Variants in IPCEF1 observed in about 807,000 individuals in gnomAD.
IPCEF1 encodes the protein interactor protein for cytohesin exchange factors 1.
IPCEF1 carries 31 observed loss-of-function variants against 50.9 expected under a neutral mutation model. That is an observed-to-expected ratio of 0.61 (90% CI 0.46 to 0.82). The LOEUF is 0.82. Among genes scored for constraint, IPCEF1 ranks in the 40% least tolerant of loss-of-function variants. The pLI, the probability that IPCEF1 is intolerant of heterozygous loss-of-function variation, is 0.00. For synonymous variants in IPCEF1, 181 were observed against 192.0 expected (o/e 0.94, Z 0.47); for missense variants, 458 against 514.0 (o/e 0.89, Z 1.05).
At chr6:154,347,722 C>T (rs888190864) in intron 1 of IPCEF1, among the ~76,000 whole-genome samples, 1 of 152,220 alleles carries the variant, frequency 6.6e-6, no homozygotes, top group African/African-American at 2.4e-5. Flanking sequence ...GCTCCTACTG[C>T]CCAGAAAGTT....
chr6:154,292,937 A>G (rs1342355714), intron 1 of IPCEF1, among the ~76,000 whole-genome samples: 2 of 152,200 alleles, frequency 1.3e-5, no homozygotes, highest in Non-Finnish European at 1.5e-5. Flanking sequence ...TCTCCCCAGA[A>G]CAAGATCTTA....
chr6:154,239,760 G>C (rs1203033761), intron 5 of IPCEF1, among the ~76,000 whole-genome samples: 1 of 152,226 alleles, frequency 6.6e-6, no homozygotes, highest in Non-Finnish European at 1.5e-5. Context: ...CTGGAGTGCA[G>C]TGATGTGATC....
intron 3 of IPCEF1, among the ~76,000 whole-genome samples, chr6:154,247,836 A>G (rs1161096519): frequency 6.6e-6 from 1 of 152,220 alleles, no homozygotes; most frequent in Non-Finnish European, 1.5e-5. Flanking sequence ...TGTTTTTGTG[A>G]GAGAAGGAAA....
At chr6:154,231,271 T>G (rs1350685966) in intron 5 of IPCEF1, among the ~76,000 whole-genome samples, 1 of 152,200 alleles carries the variant, frequency 6.6e-6, no homozygotes. Flanking sequence ...AAAGTTCTAG[T>G]TCTATGGAGA....
intron 10 of IPCEF1, among the ~76,000 whole-genome samples, chr6:154,188,573 T>A (rs573538114): frequency 6.6e-6 from 1 of 152,222 alleles, no homozygotes; most frequent in South Asian, 2.1e-4. Context: ...TGGCCAAGAG[T>A]ATCCTAAACA....
chr6:154,302,157 A>T (rs1782812360), intron 1 of IPCEF1, among the ~76,000 whole-genome samples: 1 of 152,242 alleles, frequency 6.6e-6, no homozygotes, highest in African/African-American at 2.4e-5. Context: ...AGAAATGTTT[A>T]TTCCAGTCTT....
chr6:154,333,684 A>G (rs1163366541), intron 1 of IPCEF1, among the ~76,000 whole-genome samples: 1 of 151,638 alleles, frequency 6.6e-6, no homozygotes, highest in Middle Eastern at 3.5e-3. Context: ...ATATGTATAT[A>G]TGTGTATATA....
At chr6:154,339,575 TTTTG>T (rs71268488) in intron 1 of IPCEF1, among the ~76,000 whole-genome samples, 5,749 of 149,596 alleles carry the variant, frequency 0.038, 144 homozygotes, top group African/African-American at 0.067. Flanking sequence ...GCCTGGCGTT[TTTTG>T]TTTGTTTGTT....
intron 6 of IPCEF1, 105 bp from the exon 7 acceptor site, chr6:154,221,433 T>C: frequency 1.2e-6 from 1 of 840,924 alleles, no homozygotes; most frequent in Admixed American, 2.6e-5. Flanking sequence ...TTGTCTGCTT[T>C]CTTTGTAAAT....
At chr6:154,293,659 C>A (rs1782567851) in intron 1 of IPCEF1, among the ~76,000 whole-genome samples, 1 of 152,206 alleles carries the variant, frequency 6.6e-6, no homozygotes, top group Non-Finnish European at 1.5e-5. Context: ...AATGAACTAT[C>A]TTTTCCACTT....
chr6:154,349,023 A>C lies in IPCEF1; in HGVS notation c.-62+7649T>G, dbSNP rs954133770. On this transcript the variant is annotated intron_variant, in intron 1 of 11. Coordinates refer to ENST00000367220, the MANE Select transcript of IPCEF1 (RefSeq NM_001130700.2). ...AATAATTAAAGGTTTTCTCCTTCAA[A>C]CATAACTTTGTATAAAGTACAGCTT... is the stretch of plus-strand genomic sequence containing the variant. Among the ~76,000 whole-genome samples the C allele has an allele frequency of 2.0e-5, 3 of 152,184 alleles. No individual in the cohort carries two copies. The East Asian group carries it at 5.8e-4, about 29-fold the overall frequency.
chr6:154,246,935 C>CAAAAA lies in IPCEF1; in HGVS notation c.77-180_77-176dup, dbSNP rs10543127. 60 of 252,256 alleles carry CAAAAA rather than the reference C, an allele frequency of 2.4e-4. 2 individuals carry two copies. In the East Asian group the frequency reaches 4.8e-3, roughly 20 times the overall value. The allele number at this position is 252,256 out of a possible 1,614,324, so 15.6% of individuals were successfully genotyped here. A position where few individuals can be genotyped will look rare whatever the true frequency, so the allele number is the denominator to read the frequency against. On this transcript the variant is annotated intron_variant, in intron 4 of 11. Coordinates refer to ENST00000367220, the MANE Select transcript of IPCEF1 (RefSeq NM_001130700.2). ...ATGCAAAACCTATGCAAAACCAATG[C>CAAAAA]AAAAAAAAAAAAAAAAAGCCATGTG...
chr6:154,322,526 G>T (rs1337919675), intron 1 of IPCEF1, among the ~76,000 whole-genome samples: 2 of 152,004 alleles, frequency 1.3e-5, no homozygotes, highest in East Asian at 3.9e-4. Context: ...TGGAAAAGAA[G>T]AGGTAAAACT....
At chr6:154,295,923 A>G (rs1408828542) in intron 1 of IPCEF1, among the ~76,000 whole-genome samples, 1 of 146,024 alleles carries the variant, frequency 6.8e-6, no homozygotes, top group Non-Finnish European at 1.6e-5. Flanking sequence ...ACACACACAC[A>G]CACACACACA....
At chr6:154,337,582 G>A (rs1783814108) in intron 1 of IPCEF1, among the ~76,000 whole-genome samples, 1 of 152,130 alleles carries the variant, frequency 6.6e-6, no homozygotes, top group Non-Finnish European at 1.5e-5. Context: ...ATTAGCCAAT[G>A]TATGTGAGTT....
chr6:154,235,992 A>G (rs1780100999), intron 5 of IPCEF1, among the ~76,000 whole-genome samples: 1 of 152,252 alleles, frequency 6.6e-6, no homozygotes, highest in South Asian at 2.1e-4. Flanking sequence ...GCAAAATAGC[A>G]TGGTAGCGCC....
At chr6:154,316,540 C>G (rs1434831187) in intron 1 of IPCEF1, among the ~76,000 whole-genome samples, 1 of 152,200 alleles carries the variant, frequency 6.6e-6, no homozygotes, top group Non-Finnish European at 1.5e-5. Flanking sequence ...ATACTGCATA[C>G]TCTCACTTAC....
At chr6:154,274,209 C>T (rs1029726106) in intron 2 of IPCEF1, among the ~76,000 whole-genome samples, 1 of 151,478 alleles carries the variant, frequency 6.6e-6, no homozygotes, top group African/African-American at 2.5e-5. Flanking sequence ...CCTGCCTTCT[C>T]TCCACTTTGA....
chr6:154,273,658 G>A (rs1285205619), intron 2 of IPCEF1, among the ~76,000 whole-genome samples: 6 of 148,082 alleles, frequency 4.1e-5, no homozygotes, highest in African/African-American at 1.2e-4. Flanking sequence ...GGAACTTTAT[G>A]AAGGAGAAAG....
Sources: gnomAD v4.1 joint callset for allele counts (sites outside exome capture counted in the v4.1 genomes callset) on GRCh38, gnomAD v4.1.1 for gene constraint, MANE v1.5 for transcripts, NCBI Gene and HGNC (gene_info 2026-07-23, HGNC 2026-07-21) for gene names.